CAMSAP3: variants seen among roughly 807,000 people sequenced by gnomAD.
CAMSAP3 encodes calmodulin regulated spectrin associated protein family member 3.
A neutral mutation model predicts 112.5 loss-of-function variants in CAMSAP3; 34 were observed. That is an observed-to-expected ratio of 0.30 (90% CI 0.23 to 0.40). The LOEUF is 0.40. Ranked by LOEUF, CAMSAP3 falls within the 10% of genes least tolerant of loss-of-function variation. The pLI is 1.00. For missense variants in CAMSAP3, 1,602 were observed against 1,770.3 expected, an observed-to-expected ratio of 0.90 and a Z score of 1.71; for synonymous variants, 868 against 799.8, an observed-to-expected ratio of 1.09 and a Z score of -1.44.
chr19:7,612,485 G>C lies in CAMSAP3; in HGVS notation c.1992G>C (p.Gly664=), dbSNP rs1484233907. ...EEADSGPVPG[G]ERPAGEGQGE... ...CCGATTCCGGTCCAGTCCCTGGTGG[G>C]GAGCGGCCCGCAGGCGAGGGCCAGG... The change falls in exon 11 of 17, where the codon GGG becomes GGC. Residue 664 remains glycine (G), a synonymous_variant. Coordinates refer to ENST00000160298, the MANE Select transcript of CAMSAP3 (RefSeq NM_020902.2). 2 of 1,556,162 alleles carry C rather than the reference G, an allele frequency of 1.3e-6. No homozygotes were observed. Among genetic ancestry groups the C allele is most frequent in the Non-Finnish European group, 1.7e-6 (2 of 1,153,018 alleles).
In CAMSAP3 at chr19:7,610,444, G is replaced by C. The variant is rs184253256; in HGVS notation, c.761-32G>C. On this transcript the variant is annotated intron_variant, in intron 5 of 16. Transcript: ENST00000160298. This position sits in a 1 kb window ranked among gnomAD's most constrained non-coding sequence, Gnocchi z 4.9. ...CTGGGGCCCCATCCTCCTCCTCATAGAGTTGGGGACCCACTCCTCCTGTCC... is the reference window on the plus strand; with the variant it reads ...CTGGGGCCCCATCCTCCTCCTCATACAGTTGGGGACCCACTCCTCCTGTCC... 1.2e-3 allele frequency: 1,944 copies of C among 1,582,746 alleles called. 35 individuals are homozygous for C. In the Admixed American group the frequency reaches 0.031, roughly 25 times the overall value.
rs776983613 is a variant in CAMSAP3, at chr19:7,612,894, C to T, written c.2401C>T (p.Pro801Ser). Reference protein sequence around the residue: ...LAPLTRVLTPPHDVDSLPHLR... With the variant: ...LAPLTRVLTPSHDVDSLPHLR... ...ACCCTTGACCAGGGTGCTTACGCCA[C>T]CCCACGACGTAGACAGCCTCCCCCA... The change falls in exon 11 of 17, where the codon CCC becomes TCC. Residue 801 changes from proline (P) to serine (S), a missense_variant. Physicochemically the swap from Pro to Ser is moderately conservative, Grantham distance 74 (BLOSUM62 -1). Coordinates refer to ENST00000160298, the MANE Select transcript of CAMSAP3 (RefSeq NM_020902.2). 3 of 1,608,654 alleles carry T rather than the reference C, an allele frequency of 1.9e-6. No homozygotes were observed. The highest frequency in any genetic ancestry group is 3.3e-5 in the Admixed American group (2 of 59,906).
rs932788883 is a variant in CAMSAP3 at position 7,611,517 on chromosome 19, G to A, written c.1124G>A (p.Gly375Asp). Residue 375 changes from glycine (G) to aspartate (D), a missense_variant and splice_region_variant, in exon 10 of 17, where the codon GGC becomes GAC. By Grantham distance (94) the Gly-to-Asp change is moderately conservative (BLOSUM62 -1). This residue lies in a region of CAMSAP3 where 1,100 missense variants were observed against 1,135.7 expected (regional missense o/e 0.97). Coordinates refer to ENST00000160298, the MANE Select transcript of CAMSAP3 (RefSeq NM_020902.2). This position sits in a 1 kb window ranked among gnomAD's most constrained non-coding sequence, Gnocchi z 6.9. Reference sequence around the variant, plus strand: ...AGTGACCACTCATCGCCTCCCCCAGGCTCCCTGAAGTCTTCCCCGTCCATG... The same window carrying A: ...AGTGACCACTCATCGCCTCCCCCAGACTCCCTGAAGTCTTCCCCGTCCATG... ...GPQSPLRGST[G>D]SLKSSPSMSH... 12 of 1,610,006 alleles carry A rather than the reference G, an allele frequency of 7.5e-6. No homozygotes were observed. Among genetic ancestry groups the A allele is most frequent in the Non-Finnish European group, 9.3e-6 (11 of 1,178,362 alleles).
Position 7,606,591 on chromosome 19 carries a change from C to T in CAMSAP3, c.621+20C>T, listed in dbSNP as rs753056645. 6.6e-7 allele frequency: 1 copy of T among 1,519,202 alleles called. No homozygotes were observed. Among genetic ancestry groups the T allele is most frequent in the Non-Finnish European group, 8.8e-7 (1 of 1,136,448 alleles). The allele number at this position is 1,519,202 out of a possible 1,614,324, so 94.1% of individuals were successfully genotyped here. A position where few individuals can be genotyped will look rare whatever the true frequency, so the allele number is the denominator to read the frequency against. ...CCCTCGGTGAGGCCAGGGCATAGAA[C>T]CGTCAGAAGGATGGGGGACCGGAGA... On this transcript the variant is annotated intron_variant, in intron 4 of 16. Transcript: ENST00000160298.
chr19:7,615,699 G>A lies in CAMSAP3; in HGVS notation c.3092G>A (p.Ser1031Asn), dbSNP rs2030747488. ...TGTGACGACTCAGCCCTGGCACGAAGCCCAGCCCGCGGCCTGCTGGGTGAG... is the reference window on the plus strand; with the variant it reads ...TGTGACGACTCAGCCCTGGCACGAAACCCAGCCCGCGGCCTGCTGGGTGAG... ...GCCDDSALAR[S>N]PARGLLGSRL... Residue 1031 changes from serine (S) to asparagine (N), a missense_variant, in exon 13 of 17, where the codon AGC (serine) becomes AAC (asparagine). Physicochemically the swap from Ser to Asn is conservative, Grantham distance 46 (BLOSUM62 1). Coordinates refer to ENST00000160298, the MANE Select transcript of CAMSAP3 (RefSeq NM_020902.2). This position sits in a 1 kb window ranked among gnomAD's most constrained non-coding sequence, Gnocchi z 6.5. 5 of 1,409,848 alleles carry A rather than the reference G, an allele frequency of 3.5e-6. No individual in the cohort carries two copies. Among genetic ancestry groups the A allele is most frequent in the Admixed American group, 3.2e-5 (1 of 31,566 alleles). The allele number at this position is 1,409,848 out of a possible 1,614,324, so 87.3% of individuals were successfully genotyped here.
rs772020766 is a variant in CAMSAP3 at position 7,610,829 on chromosome 19, C to T, written c.994+36C>T. ...GGGGGCCTGGGGGCCGGGTCGGGGGCGGGTGGGAGAGCCAAACCCCCGCCT... is the reference window on the plus strand; with the variant it reads ...GGGGGCCTGGGGGCCGGGTCGGGGGTGGGTGGGAGAGCCAAACCCCCGCCT... On this transcript the variant is annotated intron_variant, in intron 7 of 16. Coordinates refer to ENST00000160298, the MANE Select transcript of CAMSAP3 (RefSeq NM_020902.2). The surrounding 1 kb of genome is among the most constrained non-coding windows in gnomAD (Gnocchi z 4.9). The T allele has an allele frequency of 5.5e-5, 85 of 1,543,328 alleles. No individual in the cohort carries two copies. The highest frequency in any genetic ancestry group is 5.8e-5 in the Non-Finnish European group (65 of 1,125,902).
At position 7,616,577 on chromosome 19, in the gene CAMSAP3, C is replaced by T; in HGVS notation, c.3167C>T (p.Ala1056Val). 6.2e-7 allele frequency: 1 copy of T among 1,612,388 alleles called. No individual in the cohort carries two copies. Among genetic ancestry groups the T allele is most frequent in the Non-Finnish European group, 8.5e-7 (1 of 1,179,822 alleles). ...TCCACCCTGTCACTGTCCACTGTGG[C>T]CAACGAGGCCCACAATAACCTCGGG... is the stretch of plus-strand genomic sequence containing the variant. ...SQSTLSLSTVANEAHNNLGVK... is the reference protein window; with the variant it reads ...SQSTLSLSTVVNEAHNNLGVK... The change falls in exon 14 of 17, where the codon GCC (alanine) becomes GTC (valine). Residue 1056 changes from alanine to valine, a missense_variant. Around this residue, in one of 6 missense-constraint regions of CAMSAP3, gnomAD observed 1,100 missense variants for 1,135.7 expected, o/e 0.97. Transcript: ENST00000160298.
intron 2 of CAMSAP3, 118 bp from the exon 3 acceptor site, chr19:7,606,153 C>CCCCCCCCCCCCCCCCAA: frequency 2.1e-6 from 1 of 471,770 alleles, no homozygotes; most frequent in South Asian, 2.1e-5. Flanking sequence ...CCCCTCAAGC[C>CCCCCCCCCCCCCCCCAA]CCACCCCCCC....
intron 5 of CAMSAP3, among the ~76,000 whole-genome samples, chr19:7,609,943 C>A (rs1474627456): frequency 6.6e-6 from 1 of 152,124 alleles, no homozygotes; most frequent in Non-Finnish European, 1.5e-5. Flanking sequence ...ACACTCACTG[C>A]AGCTCACCTG....
chr19:7,613,665 G>A (rs544631487), intron 11 of CAMSAP3, among the ~76,000 whole-genome samples: 1 of 152,060 alleles, frequency 6.6e-6, no homozygotes, highest in African/African-American at 2.4e-5. Context: ...TGGATAGACA[G>A]ATGGATGAAT....
chr19:7,614,239 A>G (rs868164879), intron 11 of CAMSAP3, among the ~76,000 whole-genome samples: 135 of 114,386 alleles, frequency 1.2e-3, no homozygotes, highest in African/African-American at 3.7e-3. Flanking sequence ...CAGCCTGGGC[A>G]ACAGAGCGAG....
In CAMSAP3 at chr19:7,610,467, T is replaced by C. The variant is rs746309940; in HGVS notation, c.761-9T>C. The C allele has an allele frequency of 1.9e-6, 3 of 1,605,250 alleles. No homozygotes were observed. The East Asian group carries it at 6.7e-5, about 36-fold the overall frequency. Reference sequence around the variant, plus strand: ...TAGAGTTGGGGACCCACTCCTCCTGTCCCCACAGAGGTGTGCTTGAAGGAC... The same window carrying C: ...TAGAGTTGGGGACCCACTCCTCCTGCCCCCACAGAGGTGTGCTTGAAGGAC... On this transcript the variant is annotated splice_polypyrimidine_tract_variant and intron_variant, in intron 5 of 16. Transcript: ENST00000160298. The surrounding 1 kb of genome is among the most constrained non-coding windows in gnomAD (Gnocchi z 4.9).
rs2030084596 is a variant in CAMSAP3 at position 7,603,998 on chromosome 19, G to C, written c.149-1228G>C. ...AACATACAAAAATTAGCCGGGTATG[G>C]CAGCATCGCACCTGTAATCCCAGCT... On this transcript the variant is annotated intron_variant, in intron 1 of 16. Coordinates refer to ENST00000160298, the MANE Select transcript of CAMSAP3 (RefSeq NM_020902.2). Among the ~76,000 whole-genome samples the C allele has an allele frequency of 2.6e-5, 4 of 152,266 alleles. No homozygotes were observed. The South Asian group carries it at 8.3e-4, about 32-fold the overall frequency.
In CAMSAP3 at chr19:7,616,639, C is replaced by A; in HGVS notation, c.3212+17C>A. 1 of 1,583,608 alleles carries A rather than the reference C, an allele frequency of 6.3e-7. No homozygotes were observed. Among genetic ancestry groups the A allele is most frequent in the Non-Finnish European group, 8.6e-7 (1 of 1,161,910 alleles). On this transcript the variant is annotated intron_variant, in intron 14 of 16. Transcript: ENST00000160298. ...CACGTCTCGGTGAGTTTAGCCCGCA[C>A]AGGCGGGGTTCGTATGCCGGGTGGC... is the stretch of plus-strand genomic sequence containing the variant.
chr19:7,615,388 G>T lies in CAMSAP3; in HGVS notation c.2811-30G>T. 6.5e-7 allele frequency: 1 copy of T among 1,538,450 alleles called. No homozygotes were observed. On this transcript the variant is annotated intron_variant, in intron 12 of 16. Transcript: ENST00000160298. This position sits in a 1 kb window ranked among gnomAD's most constrained non-coding sequence, Gnocchi z 6.5. ...TCTGCCACCGCGGACCCCGTGAGCG[G>T]TTCTGATGCCGATTCCCTGTGATCT...
rs1376677558 is a variant in CAMSAP3 at position 7,607,743 on chromosome 19, C to CT, written c.622-382dup. On this transcript the variant is annotated intron_variant, in intron 4 of 16. Transcript: ENST00000160298. The surrounding 1 kb of genome is among the most constrained non-coding windows in gnomAD (Gnocchi z 4.9). ...TCAGGACCAGGGTCAGGGCTACCCC[C>CT]TCCCCCCCAAGGTGGGCTTGGGGGC... 2 of 563,206 alleles carry CT rather than the reference C, an allele frequency of 3.6e-6. No individual in the cohort carries two copies. Among genetic ancestry groups the CT allele is most frequent in the Non-Finnish European group, 6.4e-6 (2 of 312,456 alleles). The allele number at this position is 563,206 out of a possible 1,614,324, so 34.9% of individuals were successfully genotyped here.
intron 1 of CAMSAP3, among the ~76,000 whole-genome samples, chr19:7,603,447 T>C (rs2030060239): frequency 6.6e-6 from 1 of 152,238 alleles, no homozygotes; most frequent in Non-Finnish European, 1.5e-5. Flanking sequence ...ACTCCTGACC[T>C]TAAAAGATCT....
chr19:7,606,150 A>ACACCCCCCCCCCCCC, intron 2 of CAMSAP3, 121 bp from the exon 3 acceptor site: 2 of 265,230 alleles, frequency 7.5e-6, no homozygotes, highest in Non-Finnish European at 6.6e-6. Flanking sequence ...CGCCCCCTCA[A>ACACCCCCCCCCCCCC]GCCCCACCCC....
At chr19:7,614,377 C>T (rs1461789915) in intron 11 of CAMSAP3, among the ~76,000 whole-genome samples, 1 of 144,702 alleles carries the variant, frequency 6.9e-6, no homozygotes, top group Non-Finnish European at 1.5e-5. Context: ...GACAGAGTCT[C>T]GCTCTGTGGC....
Sources: gnomAD v4.1 joint callset for allele counts (sites outside exome capture counted in the v4.1 genomes callset) on GRCh38, gnomAD v4.1.1 for gene constraint, gnomAD v4.1.1 regional missense constraint, Gnocchi (gnomAD v3.1) non-coding constraint, MANE v1.5 for transcripts, NCBI Gene and HGNC (gene_info 2026-07-23, HGNC 2026-07-21) for gene names.